Variants in CEMIP observed in about 807,000 individuals in gnomAD.
CEMIP encodes cell migration inducing hyaluronidase 1.
A neutral mutation model predicts 156.9 loss-of-function variants in CEMIP; 105 were observed. The observed-to-expected ratio is 0.67, with a 90% CI of 0.57 to 0.79. CEMIP has a LOEUF of 0.79. Ranked by LOEUF, CEMIP falls within the 30% of genes least tolerant of loss-of-function variation. The pLI is 0.00. For synonymous variants in CEMIP, 676 were observed against 668.4 expected (o/e 1.01, Z -0.17); for missense variants, 1,457 against 1,769.4 (o/e 0.82, Z 3.17).
chr15:80,815,312 T>G (rs1328835889), intron 1 of CEMIP, among the ~76,000 whole-genome samples: 1 of 152,250 alleles, frequency 6.6e-6, no homozygotes, highest in Non-Finnish European at 1.5e-5. Flanking sequence ...AGTGCTGTGG[T>G]GAAGACCAGA....
At chr15:80,801,290 T>C (rs1896370132) in intron 1 of CEMIP, among the ~76,000 whole-genome samples, 1 of 152,178 alleles carries the variant, frequency 6.6e-6, no homozygotes, top group South Asian at 2.1e-4. Flanking sequence ...CTCAACTCTG[T>C]TTTGTATCTA....
In CEMIP at chr15:80,927,235, G is replaced by T. The variant is rs1465147394; in HGVS notation, c.2420+1480G>T. 2.0e-5 allele frequency among the ~76,000 whole-genome samples: 3 copies of T among 152,224 alleles called. No homozygotes were observed. In the East Asian group the frequency reaches 5.8e-4, roughly 29 times the overall value. On this transcript the variant is annotated intron_variant, in intron 19 of 29. Coordinates refer to ENST00000394685, the MANE Select transcript of CEMIP (RefSeq NM_001293298.2). ...GTTTCTGAAGGGCATTTAGGGGAAG[G>T]GGGCAGGGTTGTTCTGATTGGCTCT...
chr15:80,909,479 A>G (rs747306126), intron 14 of CEMIP, 173 bp downstream of exon 14: 2 of 724,186 alleles, frequency 2.8e-6, no homozygotes, highest in Non-Finnish European at 4.9e-6. Context: ...CAGGAAGGAG[A>G]AAATAGAGGT....
chr15:80,807,797 G>T (rs1014883466), intron 1 of CEMIP, among the ~76,000 whole-genome samples: 7 of 152,208 alleles, frequency 4.6e-5, no homozygotes, highest in Non-Finnish European at 8.8e-5. Flanking sequence ...CTCTGCCATT[G>T]CATTGACATT....
intron 16 of CEMIP, among the ~76,000 whole-genome samples, chr15:80,921,387 AT>A (rs1354442899): frequency 1.3e-5 from 2 of 152,228 alleles, no homozygotes; most frequent in African/African-American, 2.4e-5. Flanking sequence ...GAATGCCATG[AT>A]TTTAGCTTAG....
rs192432694 is a variant in CEMIP, at chr15:80,921,118, C to T, written c.2073+17C>T. On this transcript the variant is annotated intron_variant, in intron 16 of 29. Transcript: ENST00000394685. The stretch of plus-strand genomic sequence containing the variant: ...GGATCTGAGGTGAGCAGAAATATTC[C>T]TTCTTTGGCAGAAAGTGAGGGTGGG... 1,783 of 1,611,714 alleles carry T rather than the reference C, an allele frequency of 1.1e-3. 20 individuals carry two copies. In the African/African-American group the frequency reaches 0.021, roughly 19 times the overall value.
chr15:80,847,828 T>C (rs903871829), intron 1 of CEMIP, among the ~76,000 whole-genome samples: 2 of 152,184 alleles, frequency 1.3e-5, no homozygotes, highest in Non-Finnish European at 2.9e-5. Context: ...AGGTAGCAGA[T>C]GGAAATCAGT....
chr15:80,925,894 C>CAG (rs1388202674), intron 19 of CEMIP, 139 bp downstream of exon 19: 2 of 1,301,378 alleles, frequency 1.5e-6, no homozygotes, highest in East Asian at 5.0e-5. Context: ...CCCAGCCAGG[C>CAG]AGGGGCATAG....
intron 13 of CEMIP, among the ~76,000 whole-genome samples, chr15:80,908,711 C>T (rs908821104): frequency 3.9e-5 from 6 of 152,112 alleles, no homozygotes; most frequent in Non-Finnish European, 7.4e-5. Context: ...CCTGGATTCC[C>T]CATGGTCATA....
chr15:80,931,710 T>C, intron 21 of CEMIP, 149 bp from the exon 22 acceptor site: 1 of 693,286 alleles, frequency 1.4e-6, no homozygotes, highest in Non-Finnish European at 2.6e-6. Flanking sequence ...TTTCTAGAGG[T>C]GGGGATCAGG....
At chr15:80,863,775 T>C (rs1385386015) in intron 1 of CEMIP, among the ~76,000 whole-genome samples, 1 of 152,188 alleles carries the variant, frequency 6.6e-6, no homozygotes, top group Admixed American at 6.5e-5. Context: ...CTGCTCCCTA[T>C]GTGCTGCATT....
intron 25 of CEMIP, 58 bp from the exon 26 acceptor site, chr15:80,941,791 G>A (rs1901345333): frequency 6.7e-7 from 1 of 1,485,574 alleles, no homozygotes; most frequent in South Asian, 1.1e-5. Context: ...GTGGGTGGGA[G>A]GAGAAGAGGG....
intron 10 of CEMIP, among the ~76,000 whole-genome samples, chr15:80,890,597 A>C (rs11306000): frequency 2.0e-4 from 28 of 139,600 alleles, no homozygotes; most frequent in Non-Finnish European, 2.7e-4. Context: ...AAAAAAAAAA[A>C]CAAAAAAAAA....
intron 1 of CEMIP, among the ~76,000 whole-genome samples, chr15:80,832,267 G>A (rs2089476): frequency 0.26 from 39,650 of 151,112 alleles, 5,218 homozygotes; most frequent in East Asian, 0.4. Context: ...TGTTGCCTAT[G>A]TGTTACTATA....
chr15:80,865,558 A>G (rs1198937225), intron 1 of CEMIP, among the ~76,000 whole-genome samples: 1 of 152,120 alleles, frequency 6.6e-6, no homozygotes. Context: ...TGGCTACTGT[A>G]CTGGACAGCA....
intron 1 of CEMIP, among the ~76,000 whole-genome samples, chr15:80,800,102 T>A (rs1896339669): frequency 6.7e-6 from 1 of 150,192 alleles, no homozygotes; most frequent in Non-Finnish European, 1.5e-5. Context: ...AGTCTTGAAC[T>A]CCTGGACTCA....
intron 1 of CEMIP, among the ~76,000 whole-genome samples, chr15:80,826,576 A>C (rs1384905181): frequency 6.6e-6 from 1 of 152,224 alleles, no homozygotes; most frequent in Admixed American, 6.5e-5. Flanking sequence ...AACTTGAGCT[A>C]TAGTCTCTTG....
At chr15:80,917,999 G>A (rs1203352343) in intron 14 of CEMIP, among the ~76,000 whole-genome samples, 1 of 152,204 alleles carries the variant, frequency 6.6e-6, no homozygotes, top group East Asian at 1.9e-4. Context: ...CCTGGGCCAG[G>A]TGCAGTGGCT....
At chr15:80,878,271 A>G (rs1195029216) in intron 3 of CEMIP, among the ~76,000 whole-genome samples, 1 of 152,240 alleles carries the variant, frequency 6.6e-6, no homozygotes, top group Non-Finnish European at 1.5e-5. Context: ...TCAGGTTTCC[A>G]GGGGAACAGA....
Sources: gnomAD v4.1 joint callset for allele counts (sites outside exome capture counted in the v4.1 genomes callset) on GRCh38, gnomAD v4.1.1 for gene constraint, MANE v1.5 for transcripts, NCBI Gene and HGNC (gene_info 2026-07-23, HGNC 2026-07-21) for gene names.